Variants in OCM2 observed in about 807,000 individuals in gnomAD.
The protein encoded by OCM2 is oncomodulin 2.
A neutral mutation model predicts 13.6 loss-of-function variants in OCM2; 6 were observed. The observed-to-expected ratio is 0.44, with a 90% CI of 0.24 to 0.87. OCM2 has a LOEUF of 0.87. OCM2 is among the 40% of genes least tolerant of loss of function. OCM2 has a pLI of 0.22. For synonymous variants in OCM2, 40 were observed against 50.7 expected (o/e 0.79, Z 0.90); for missense variants, 118 against 136.8 (o/e 0.86, Z 0.68).
At chr7:97,986,999 T>G (rs1224065071) in intron 3 of OCM2, 48 bp downstream of exon 3, 1 of 1,608,892 alleles carries the variant, frequency 6.2e-7, no homozygotes, top group South Asian at 1.1e-5. Flanking sequence ...CCCTCACGGA[T>G]GCTTCCTGAG....
chr7:97,988,127 G>A (rs1480135650), intron 2 of OCM2, among the ~76,000 whole-genome samples: 11 of 151,982 alleles, frequency 7.2e-5, no homozygotes, highest in Non-Finnish European at 2.9e-5. Flanking sequence ...GAAGGCGGAG[G>A]CTGCAGGGAG....
At chr7:97,985,909 T>C (rs1794666885) in intron 3 of OCM2, among the ~76,000 whole-genome samples, 1 of 152,174 alleles carries the variant, frequency 6.6e-6, no homozygotes, top group African/African-American at 2.4e-5. Context: ...CATGGTTATG[T>C]TTATCTTTTT....
intron 2 of OCM2, among the ~76,000 whole-genome samples, chr7:97,987,711 G>T (rs1794686410): frequency 6.6e-6 from 1 of 150,898 alleles, no homozygotes. Flanking sequence ...ATTTGAGACA[G>T]AGTCTCTGTC....
At position 97,984,953 on chromosome 7, in the gene OCM2, G is replaced by A. The variant is rs756652413; in HGVS notation, c.*5C>T. On this transcript the variant is annotated 3_prime_UTR_variant, in exon 4 of 4. Transcript: ENST00000257627. Reference sequence around the variant, plus strand: ...TTTCTCTCTTTTCTCCAGAGACTGGGGCTTTTAAGAATGCACCATTTCCTG... The same window carrying A: ...TTTCTCTCTTTTCTCCAGAGACTGGAGCTTTTAAGAATGCACCATTTCCTG... 1.2e-5 allele frequency: 20 copies of A among 1,612,496 alleles called. No homozygotes were observed. The South Asian group carries it at 1.8e-4, about 14-fold the overall frequency.
At chr7:97,989,811 C>G (rs6962899) in intron 1 of OCM2, among the ~76,000 whole-genome samples, 1 of 151,288 alleles carries the variant, frequency 6.6e-6, no homozygotes, top group African/African-American at 2.4e-5. Context: ...GTGCCCACCA[C>G]CACGCCTGGC....
At chr7:97,985,443 G>GAAAGAAAGAAAGAAAGAAAGAAAGAAAC (rs1794661161) in intron 3 of OCM2, among the ~76,000 whole-genome samples, 1 of 148,050 alleles carries the variant, frequency 6.8e-6, no homozygotes, top group African/African-American at 2.5e-5. Flanking sequence ...AAGAAAGAAA[G>GAAAGAAAGAAAGAAAGAAAGAAAGAAAC]AAAGAAAGAA....
intron 2 of OCM2, among the ~76,000 whole-genome samples, chr7:97,987,687 T>C (rs112924747): frequency 3.1e-5 from 4 of 128,850 alleles, no homozygotes; most frequent in African/African-American, 1.3e-4. Flanking sequence ...TAATTTTTAT[T>C]TATTTATTTA....
chr7:97,986,964 C>T (rs1794678109), intron 3 of OCM2, 83 bp downstream of exon 3: 1 of 1,591,924 alleles, frequency 6.3e-7, no homozygotes, highest in Admixed American at 1.8e-5. Flanking sequence ...TTTTAAGCCA[C>T]ATTGGTTTGA....
chr7:97,986,952 G>A, intron 3 of OCM2, 95 bp downstream of exon 3: 1 of 1,567,762 alleles, frequency 6.4e-7, no homozygotes, highest in Non-Finnish European at 8.7e-7. Context: ...AAGAAAGGGA[G>A]ATTTTAAGCC....
chr7:97,985,275 C>T (rs28422890), intron 3 of OCM2, among the ~76,000 whole-genome samples: 24 of 151,994 alleles, frequency 1.6e-4, no homozygotes, highest in African/African-American at 5.1e-4. Context: ...AAAACTTAGC[C>T]GGGCGTGGTG....
chr7:97,986,989 C>T (rs936713594), intron 3 of OCM2, 58 bp downstream of exon 3: 40 of 1,607,602 alleles, frequency 2.5e-5, no homozygotes, highest in Admixed American at 5.1e-5. Context: ...ACAGCCCAAC[C>T]CCTCACGGAT....
At chr7:97,986,502 C>T (rs1326997367) in intron 3 of OCM2, among the ~76,000 whole-genome samples, 1 of 152,022 alleles carries the variant, frequency 6.6e-6, no homozygotes, top group Non-Finnish European at 1.5e-5. Context: ...AAAGCTCAAA[C>T]CTAGGATTCT....
exon 1 of OCM2, chr7:97,990,095 T>C (rs764413859): frequency 1.3e-6 from 2 of 1,555,976 alleles, no homozygotes; most frequent in East Asian, 2.5e-5. Flanking sequence ...AGCACGTCCG[T>C]GATGCTCATT....
intron 3 of OCM2, among the ~76,000 whole-genome samples, chr7:97,986,756 A>G (rs993820778): frequency 6.6e-6 from 1 of 152,190 alleles, no homozygotes; most frequent in African/African-American, 2.4e-5. Flanking sequence ...GCAGGTACAA[A>G]TAATTGGCCA....
chr7:97,988,637 C>G, intron 1 of OCM2, 89 bp from the exon 2 acceptor site: 1 of 1,536,026 alleles, frequency 6.5e-7, no homozygotes, highest in Non-Finnish European at 8.9e-7. Context: ...TGATTAAAAA[C>G]ACTTCAACAA....
chr7:97,987,222 G>A (rs1218107911), intron 2 of OCM2, 66 bp from the exon 3 acceptor site: 1 of 1,590,004 alleles, frequency 6.3e-7, no homozygotes, highest in Non-Finnish European at 8.6e-7. Flanking sequence ...TTAGACTTTT[G>A]TTTTTCCTTT....
At chr7:97,987,242 A>G in intron 2 of OCM2, 86 bp from the exon 3 acceptor site, 4 of 1,506,012 alleles carry the variant, frequency 2.7e-6, no homozygotes, top group Non-Finnish European at 3.6e-6. Flanking sequence ...TAAGCATATC[A>G]TCTGTTTCCA....
chr7:97,985,742 G>A (rs1287594794), intron 3 of OCM2, among the ~76,000 whole-genome samples: 1 of 152,112 alleles, frequency 6.6e-6, no homozygotes, highest in Non-Finnish European at 1.5e-5. Context: ...GTGGGACTTT[G>A]AACTGACTTT....
intron 3 of OCM2, among the ~76,000 whole-genome samples, chr7:97,985,358 G>A (rs577744433): frequency 6.4e-4 from 96 of 149,040 alleles, no homozygotes; most frequent in African/African-American, 2.2e-3. Context: ...GGCGGAGGTT[G>A]CAGTGAGCCG....
Sources: gnomAD v4.1 joint callset for allele counts (sites outside exome capture counted in the v4.1 genomes callset) on GRCh38, gnomAD v4.1.1 for gene constraint, MANE v1.5 for transcripts, NCBI Gene and HGNC (gene_info 2026-07-23, HGNC 2026-07-21) for gene names.